The following FAM156A variants were observed in gnomAD, a reference collection of about 807,000 sequenced individuals.
FAM156A encodes the protein family with sequence similarity 156 member A.
At chrX:52,976,600 G>A (rs782741053) in intron 1 of FAM156A, among the ~76,000 whole-genome samples, 92 of 111,913 alleles carry the variant, frequency 8.2e-4, no homozygotes, top group African/African-American at 2.8e-3. Flanking sequence ...TTTTTTCTAT[G>A]CATGTTTTTT....
At chrX:52,988,541 A>G (rs1473709564) in intron 1 of FAM156A, among the ~76,000 whole-genome samples, 3 of 111,938 alleles carry the variant, frequency 2.7e-5, no homozygotes, top group Non-Finnish European at 5.6e-5. Flanking sequence ...CAGGTGTTCA[A>G]ATTCACAGAA....
intron 1 of FAM156A, among the ~76,000 whole-genome samples, chrX:52,979,699 C>T (rs1929722666): frequency 9.0e-6 from 1 of 111,590 alleles, no homozygotes; most frequent in Non-Finnish European, 1.9e-5. Context: ...ATCAATGTCC[C>T]ATGGCAGTGG....
At chrX:52,993,882 T>C (rs782226556) in intron 1 of FAM156A, among the ~76,000 whole-genome samples, 17 of 111,520 alleles carry the variant, frequency 1.5e-4, no homozygotes, top group African/African-American at 5.5e-4. Flanking sequence ...TGTTGAAGGA[T>C]GGCTGGAGTG....
chrX:52,979,000 T>C lies in FAM156A; in HGVS notation c.-433-14765A>G, dbSNP rs782086771. On this transcript the variant is annotated intron_variant, in intron 1 of 4. Coordinates refer to the FAM156A transcript ENST00000610625. ...AGTCTCATGTAGTCCAAGGGAACTT[T>C]GCTGGCCAGCCTAGGGAACTTTCAG... Among the ~76,000 whole-genome samples, 105 of 112,312 alleles carry C rather than the reference T, an allele frequency of 9.3e-4. No homozygotes were observed. The South Asian group carries it at 0.038, about 40-fold the overall frequency.
At chrX:52,979,157 G>A (rs1258840870) in intron 1 of FAM156A, among the ~76,000 whole-genome samples, 5 of 112,008 alleles carry the variant, frequency 4.5e-5, no homozygotes, top group Non-Finnish European at 7.5e-5. Context: ...CGCAGTGTGA[G>A]ACTCACCGTA....
At chrX:52,984,742 G>A (rs144865762) in intron 1 of FAM156A, among the ~76,000 whole-genome samples, 1,520 of 111,071 alleles carry the variant, frequency 0.014, 11 homozygotes, top group Non-Finnish European at 0.022. Flanking sequence ...GGTGGCACAT[G>A]CCTGTAATCC....
At chrX:52,991,532 T>C (rs190109035) in intron 1 of FAM156A, among the ~76,000 whole-genome samples, 20 of 111,042 alleles carry the variant, frequency 1.8e-4, no homozygotes, top group Non-Finnish European at 3.8e-4. Context: ...GGGTTTTTCT[T>C]AACCCCATCA....
chrX:52,979,406 C>T (rs1929703534), intron 1 of FAM156A, among the ~76,000 whole-genome samples: 1 of 111,051 alleles, frequency 9.0e-6, no homozygotes, highest in African/African-American at 3.3e-5. Context: ...CTTCTTGCAC[C>T]GTCATTTCCT....
At chrX:52,979,311 G>T in intron 1 of FAM156A, among the ~76,000 whole-genome samples, 1 of 111,232 alleles carries the variant, frequency 9.0e-6, no homozygotes, top group Non-Finnish European at 1.9e-5. Context: ...ATCCCAAAAT[G>T]GTATGGGCTC....
chrX:52,995,365 G>A (rs1024717626), exon 1 of FAM156A: 1 of 113,042 alleles, frequency 8.8e-6, no homozygotes, highest in Non-Finnish European at 1.9e-5. Context: ...CTTTGGGACT[G>A]TCAGTTGGTG....
intron 1 of FAM156A, among the ~76,000 whole-genome samples, chrX:52,982,683 G>A (rs782041871): frequency 1.8e-5 from 2 of 111,061 alleles, no homozygotes; most frequent in East Asian, 5.6e-4. Flanking sequence ...ATGGTCATAT[G>A]CAAGAGGGAA....
At chrX:52,993,693 G>T (rs1930965099) in intron 1 of FAM156A, among the ~76,000 whole-genome samples, 1 of 111,086 alleles carries the variant, frequency 9.0e-6, no homozygotes, top group Non-Finnish European at 1.9e-5. Context: ...GGGATTACAG[G>T]CATGAGCCAC....
chrX:52,980,315 C>A (rs1216787609), intron 1 of FAM156A, among the ~76,000 whole-genome samples: 3 of 111,883 alleles, frequency 2.7e-5, no homozygotes, highest in South Asian at 3.7e-4. Context: ...ACTTACCTAC[C>A]AAAGGGATCA....
At chrX:52,976,014 C>G (rs1388160603) in intron 1 of FAM156A, among the ~76,000 whole-genome samples, 1 of 111,371 alleles carries the variant, frequency 9.0e-6, no homozygotes, top group Non-Finnish European at 1.9e-5. Flanking sequence ...CCTCTCTACC[C>G]TACCCCAAAC....
chrX:52,985,922 A>T (rs1037153966), intron 1 of FAM156A, among the ~76,000 whole-genome samples: 1 of 110,202 alleles, frequency 9.1e-6, no homozygotes, highest in Non-Finnish European at 1.9e-5. Context: ...CTAAAAAAAA[A>T]TAATAATAAT....
At chrX:52,989,139 G>C (rs2146627162) in intron 1 of FAM156A, among the ~76,000 whole-genome samples, 1 of 111,504 alleles carries the variant, frequency 9.0e-6, no homozygotes, top group Admixed American at 9.5e-5. Context: ...ACTGCATGTG[G>C]GTCGCAGTAA....
chrX:52,983,533 C>CT (rs1930052130), intron 1 of FAM156A, among the ~76,000 whole-genome samples: 1 of 112,105 alleles, frequency 8.9e-6, no homozygotes, highest in African/African-American at 3.2e-5. Flanking sequence ...AGAAATTTTT[C>CT]TTTTTGTTCC....
At chrX:52,994,307 A>G (rs781993741) in intron 1 of FAM156A, among the ~76,000 whole-genome samples, 1 of 109,181 alleles carries the variant, frequency 9.2e-6, no homozygotes, top group South Asian at 4.0e-4. Context: ...CAAAGTTCTC[A>G]CTCCTGGGAA....
chrX:52,978,035 A>G (rs782769704), intron 1 of FAM156A, among the ~76,000 whole-genome samples: 11 of 112,236 alleles, frequency 9.8e-5, no homozygotes, highest in South Asian at 3.7e-4. Flanking sequence ...CAAGCATTAT[A>G]CAAGTTACAT....
Sources: allele counts gnomAD v4.1 joint callset (sites outside exome capture counted in the v4.1 genomes callset), GRCh38; gene constraint gnomAD v4.1.1; transcripts MANE v1.5; gene names NCBI Gene and HGNC (gene_info 2026-07-23, HGNC 2026-07-21).